The following DYNLT2B variants were observed in gnomAD, a reference collection of about 807,000 sequenced individuals.
The protein encoded by DYNLT2B is dynein light chain Tctex-type 2B.
In DYNLT2B, 14 loss-of-function variants were observed where a neutral mutation model predicts 19.5. That is an observed-to-expected ratio of 0.72 (90% CI 0.47 to 1.12). The LOEUF (loss-of-function observed/expected upper bound fraction) is 1.12. DYNLT2B is among the 50% of genes most tolerant of loss of function. The pLI is 0.00. For synonymous variants in DYNLT2B, 70 were observed against 59.7 expected (o/e 1.17, Z -0.79); for missense variants, 133 against 174.7 (o/e 0.76, Z 1.35).
chr3:196,303,927 G>A (rs1726418197), intron 3 of DYNLT2B, among the ~76,000 whole-genome samples: 2 of 152,146 alleles, frequency 1.3e-5, no homozygotes, highest in South Asian at 4.1e-4. Context: ...GGAAGCCGAG[G>A]CAGGAGGACT....
At chr3:196,314,523 A>AAG (rs1726724664) in intron 2 of DYNLT2B, among the ~76,000 whole-genome samples, 1 of 151,874 alleles carries the variant, frequency 6.6e-6, no homozygotes, top group Non-Finnish European at 1.5e-5. Flanking sequence ...TTATTAACAA[A>AAG]AGAGAGAGAC....
At chr3:196,307,974 G>A (rs543596433) in intron 2 of DYNLT2B, among the ~76,000 whole-genome samples, 8 of 151,422 alleles carry the variant, frequency 5.3e-5, no homozygotes, top group South Asian at 2.1e-4. Flanking sequence ...CCAGCTACTC[G>A]GGAGGCTGAG....
At chr3:196,301,736 TTA>T (rs1379712397) in intron 3 of DYNLT2B, among the ~76,000 whole-genome samples, 1 of 150,376 alleles carries the variant, frequency 6.6e-6, no homozygotes, top group Admixed American at 6.7e-5. Context: ...AATAAAATAA[TTA>T]GTATGACTAA....
chr3:196,292,433 T>C (rs1031517359), intron 4 of DYNLT2B: 1 of 152,228 alleles, frequency 6.6e-6, no homozygotes, highest in South Asian at 2.1e-4. Flanking sequence ...ACGACAGTGC[T>C]GTGATAAAGG....
intron 2 of DYNLT2B, among the ~76,000 whole-genome samples, chr3:196,311,357 C>T (rs542609362): frequency 4.6e-5 from 7 of 150,654 alleles, no homozygotes; most frequent in Non-Finnish European, 5.9e-5. Context: ...GCCAAGACTG[C>T]GCCACTGCAT....
chr3:196,315,315 T>G (rs1273372646), intron 2 of DYNLT2B: 1 of 389,146 alleles, frequency 2.6e-6, no homozygotes, highest in Non-Finnish European at 4.9e-6. Flanking sequence ...CAGGCTGGAG[T>G]GCAGTGACGC....
chr3:196,296,367 A>C (rs748147743), intron 3 of DYNLT2B: 21 of 242,396 alleles, frequency 8.7e-5, no homozygotes, highest in Non-Finnish European at 1.4e-4. Flanking sequence ...TGTGACTTTT[A>C]ATGAGCTCAG....
chr3:196,296,719 T>C (rs932300481), intron 3 of DYNLT2B, among the ~76,000 whole-genome samples: 4 of 152,100 alleles, frequency 2.6e-5, no homozygotes, highest in Non-Finnish European at 2.9e-5. Flanking sequence ...AAAGAAATAA[T>C]GATGTTTTCT....
chr3:196,298,179 G>A, intron 3 of DYNLT2B: 1 of 366,562 alleles, frequency 2.7e-6, no homozygotes, highest in Admixed American at 2.7e-5. Context: ...TTCTTGGCCA[G>A]GAATCGCTTA....
chr3:196,298,286 G>C (rs1726271602), intron 3 of DYNLT2B: 1 of 170,532 alleles, frequency 5.9e-6, no homozygotes, highest in African/African-American at 2.4e-5. Flanking sequence ...ATATAAAATA[G>C]TGAGACCCCA....
Position 196,316,156 on chromosome 3 carries a change from T to G in DYNLT2B, c.189A>C (p.Pro63=). 1 of 1,613,972 alleles carries G rather than the reference T, an allele frequency of 6.2e-7. No individual in the cohort carries two copies. The highest frequency in any genetic ancestry group is 8.5e-7 in the Non-Finnish European group (1 of 1,179,888). The change falls in exon 2 of 5, where the codon CCA becomes CCC. Residue 63 remains proline (P), a synonymous_variant. Transcript: ENST00000325318. Reference sequence around the variant, plus strand: ...GTTTTGTAAGCTGAGGCATTTCTTCTGGAGAATATTCAGCATTTGCCAGTT... The same window carrying G: ...GTTTTGTAAGCTGAGGCATTTCTTCGGGAGAATATTCAGCATTTGCCAGTT... The part of the protein sequence containing the change: ...KEELANAEYS[P]EEMPQLTKHL...
intron 2 of DYNLT2B, among the ~76,000 whole-genome samples, chr3:196,307,801 C>A (rs546006559): frequency 6.6e-6 from 1 of 151,352 alleles, no homozygotes; most frequent in Non-Finnish European, 1.5e-5. Context: ...AAAAATAGGC[C>A]GGGCACGGTG....
intron 4 of DYNLT2B, among the ~76,000 whole-genome samples, chr3:196,293,461 C>T (rs1726140614): frequency 6.6e-6 from 1 of 151,568 alleles, no homozygotes. Context: ...CTTGTCTCTA[C>T]TAAAAAATAC....
intron 2 of DYNLT2B, among the ~76,000 whole-genome samples, chr3:196,309,187 G>A (rs781268439): frequency 1.1e-4 from 16 of 152,308 alleles, no homozygotes; most frequent in Middle Eastern, 3.4e-3. Flanking sequence ...AGGCTGAGGC[G>A]GGAGGATCTC....
At position 196,318,117 on chromosome 3, in the gene DYNLT2B, G is replaced by C; in HGVS notation, c.36C>G (p.Gly12=). ...ATSIGVSFSV[G]DGVPEAEKNA... is the part of the protein sequence containing the mutation. ...TCTTCTCAGCCTCAGGCACCCCGTC[G>C]CCCACCGAGAAGGACACTCCGATGG... The change falls in exon 1 of 5, where the codon GGC becomes GGG. Residue 12 remains glycine, a synonymous_variant. Coordinates refer to ENST00000325318, the MANE Select transcript of DYNLT2B (RefSeq NM_152773.5). 6.4e-7 allele frequency: 1 copy of C among 1,557,228 alleles called. No homozygotes were observed. The highest frequency in any genetic ancestry group is 8.6e-7 in the Non-Finnish European group (1 of 1,158,316).
chr3:196,303,696 C>T (rs573854028), intron 3 of DYNLT2B, among the ~76,000 whole-genome samples: 14 of 152,218 alleles, frequency 9.2e-5, no homozygotes, highest in Middle Eastern at 3.4e-3. Flanking sequence ...GAAACTGTTA[C>T]CGCCAAGAAG....
chr3:196,317,909 G>GGCCTCCC (rs1180053634), intron 1 of DYNLT2B, 131 bp downstream of exon 1: 4 of 371,898 alleles, frequency 1.1e-5, no homozygotes, highest in Admixed American at 9.9e-5. Context: ...CCCGCCTCGC[G>GGCCTCCC]GCCTCCCGCC....
chr3:196,301,935 A>AG (rs1241560672), intron 3 of DYNLT2B, among the ~76,000 whole-genome samples: 1 of 152,074 alleles, frequency 6.6e-6, no homozygotes, highest in African/African-American at 2.4e-5. Flanking sequence ...TTGACCTAAA[A>AG]GGCCAATAGA....
intron 3 of DYNLT2B, among the ~76,000 whole-genome samples, chr3:196,304,743 C>T (rs1378554830): frequency 6.6e-6 from 1 of 151,862 alleles, no homozygotes; most frequent in Non-Finnish European, 1.5e-5. Context: ...ACTCTGAGTG[C>T]TCTAAGCAGA....
Sources: gnomAD v4.1 joint callset for allele counts (sites outside exome capture counted in the v4.1 genomes callset) on GRCh38, gnomAD v4.1.1 for gene constraint, MANE v1.5 for transcripts, NCBI Gene and HGNC (gene_info 2026-07-23, HGNC 2026-07-21) for gene names.